ZC3H3: variants seen among roughly 807,000 people sequenced by gnomAD.
ZC3H3 encodes the protein zinc finger CCCH domain-containing protein 3.
Under a neutral mutation model 77.3 loss-of-function variants are expected in ZC3H3, and 36 were observed. The ratio of observed to expected loss-of-function variants is 0.47; its 90% CI spans 0.36 to 0.61. The LOEUF is 0.61. ZC3H3 is among the 20% of genes least tolerant of loss of function. ZC3H3 has a pLI of 0.00. For synonymous variants in ZC3H3, 626 were observed against 555.2 expected (o/e 1.13, Z -1.79); for missense variants, 1,331 against 1,312.2 (o/e 1.01, Z -0.22).
In ZC3H3 at chr8:143,440,167, C is replaced by A. The variant is rs1369629173; in HGVS notation, c.2689G>T (p.Ala897Ser). The A allele has an allele frequency of 1.2e-6, 2 of 1,611,992 alleles. No individual in the cohort carries two copies. Among genetic ancestry groups the A allele is most frequent in the Non-Finnish European group, 8.5e-7 (1 of 1,179,712 alleles). Residue 897 changes from alanine to serine, a missense_variant, in exon 11 of 12, where the codon GCC becomes TCC. By Grantham distance (99) the Ala-to-Ser change is moderately conservative. Transcript: ENST00000262577. Reference protein sequence around the residue: ...DHEAPSLQEAALAAACSNRLC... With the variant: ...DHEAPSLQEASLAAACSNRLC... Reference sequence around the variant, plus strand: ...CTGTTGGAGCACGCTGCTGCTAAGGCAGCCTCCTGGAGAGATGGTGCCTCG... The same window carrying A: ...CTGTTGGAGCACGCTGCTGCTAAGGAAGCCTCCTGGAGAGATGGTGCCTCG...
At position 143,462,082 on chromosome 8, in the gene ZC3H3, A is replaced by C. The variant is rs1313818937; in HGVS notation, c.2307+3635T>G. On this transcript the variant is annotated intron_variant, in intron 9 of 11. Transcript: ENST00000262577. This position sits in a 1 kb window ranked among gnomAD's most constrained non-coding sequence, Gnocchi z 4.7. ...AACTAAGTGAGGCCCCACCTCACACAACACGCAAATGAAGAACAGCAAACG... is the reference window on the plus strand; with the variant it reads ...AACTAAGTGAGGCCCCACCTCACACCACACGCAAATGAAGAACAGCAAACG... Among the ~76,000 whole-genome samples, 1 of 152,148 alleles carries C rather than the reference A, an allele frequency of 6.6e-6. No homozygotes were observed. Among genetic ancestry groups the C allele is most frequent in the African/African-American group, 2.4e-5 (1 of 41,420 alleles).
chr8:143,514,032 T>G (rs1180582781), intron 3 of ZC3H3, among the ~76,000 whole-genome samples: 1 of 151,806 alleles, frequency 6.6e-6, no homozygotes, highest in African/African-American at 2.4e-5. Context: ...CCACACAGAG[T>G]CGCCACCTTG....
intron 4 of ZC3H3, among the ~76,000 whole-genome samples, chr8:143,477,451 G>A (rs999233170): frequency 6.6e-6 from 1 of 152,150 alleles, no homozygotes; most frequent in African/African-American, 2.4e-5. Flanking sequence ...AGGGGTGGAG[G>A]GTAGGCATCC....
intron 3 of ZC3H3, among the ~76,000 whole-genome samples, chr8:143,532,472 G>C (rs965465859): frequency 4.6e-5 from 7 of 152,264 alleles, no homozygotes; most frequent in Non-Finnish European, 7.3e-5. Context: ...CTTTTGCTGG[G>C]CAGAAAATGG....
At chr8:143,499,337 C>T (rs1195096719) in intron 4 of ZC3H3, among the ~76,000 whole-genome samples, 1 of 152,058 alleles carries the variant, frequency 6.6e-6, no homozygotes. Flanking sequence ...TGGTGGGAGC[C>T]GGGAAGGCAG....
intron 3 of ZC3H3, among the ~76,000 whole-genome samples, chr8:143,513,117 C>T (rs1042497206): frequency 6.6e-6 from 1 of 152,114 alleles, no homozygotes; most frequent in African/African-American, 2.4e-5. Flanking sequence ...GGGCCAGACC[C>T]GCCCTGTGCT....
rs34107611 is a variant in ZC3H3, at chr8:143,530,549, T to TCCTGG, written c.1561+5703_1561+5707dup. 6.6e-6 allele frequency among the ~76,000 whole-genome samples: 1 copy of TCCTGG among 151,910 alleles called. No homozygotes were observed. The highest frequency in any genetic ancestry group is 1.5e-5 in the Non-Finnish European group (1 of 67,984). On this transcript the variant is annotated intron_variant, in intron 3 of 11. Coordinates refer to ENST00000262577, the MANE Select transcript of ZC3H3 (RefSeq NM_015117.3). The surrounding 1 kb of genome is among the most constrained non-coding windows in gnomAD (Gnocchi z 4.3). ...GGTGGGTGGGAGAGCTGGCCCTCAC[T>TCCTGG]CCTGGCCTGGCCTGGAGTGTACAGC... is the stretch of plus-strand genomic sequence containing the variant.
At chr8:143,496,669 G>C (rs1821360675) in intron 4 of ZC3H3, among the ~76,000 whole-genome samples, 1 of 151,964 alleles carries the variant, frequency 6.6e-6, no homozygotes, top group African/African-American at 2.4e-5. Context: ...TGAGTGGACA[G>C]AAGTCCGGTA....
At chr8:143,504,346 T>TC (rs1821623826) in intron 4 of ZC3H3, among the ~76,000 whole-genome samples, 1 of 151,234 alleles carries the variant, frequency 6.6e-6, no homozygotes, top group African/African-American at 2.4e-5. Context: ...GCAGGGGAGG[T>TC]CCCAGGGACA....
At chr8:143,440,497 T>G in intron 10 of ZC3H3, 134 bp from the exon 11 acceptor site, 1 of 1,416,014 alleles carries the variant, frequency 7.1e-7, no homozygotes, top group Non-Finnish European at 9.2e-7. Flanking sequence ...GAGGCACAGG[T>G]CAGGCCTGGC....
rs1052370992 is a variant in ZC3H3 at position 143,494,925 on chromosome 8, G to A, written c.1715+12821C>T. 1.3e-5 allele frequency among the ~76,000 whole-genome samples: 2 copies of A among 152,310 alleles called. No homozygotes were observed. The highest frequency in any genetic ancestry group is 2.4e-5 in the African/African-American group (1 of 41,580). ...CAACATCACTGGACACCAGGGAAACGCAAATGAAAACCACAGTGAGAGGCC... is the reference window on the plus strand; with the variant it reads ...CAACATCACTGGACACCAGGGAAACACAAATGAAAACCACAGTGAGAGGCC... On this transcript the variant is annotated intron_variant, in intron 4 of 11. Coordinates refer to ENST00000262577, the MANE Select transcript of ZC3H3 (RefSeq NM_015117.3). This position sits in a 1 kb window ranked among gnomAD's most constrained non-coding sequence, Gnocchi z 5.3.
chr8:143,461,100 G>A (rs1464848063), intron 9 of ZC3H3, among the ~76,000 whole-genome samples: 1 of 152,118 alleles, frequency 6.6e-6, no homozygotes, highest in Non-Finnish European at 1.5e-5. Context: ...CAAAATTTAT[G>A]TTATATATAT....
intron 9 of ZC3H3, 142 bp downstream of exon 9, chr8:143,465,575 A>T (rs1820386459): frequency 7.7e-7 from 1 of 1,301,324 alleles, no homozygotes; most frequent in African/African-American, 1.5e-5. Context: ...TCTCTGAGTC[A>T]CCTGTGAGGT....
chr8:143,532,732 T>TAGGC (rs564448254), intron 3 of ZC3H3, among the ~76,000 whole-genome samples: 13 of 152,310 alleles, frequency 8.5e-5, no homozygotes, highest in African/African-American at 2.4e-4. Flanking sequence ...CCTCAGTTCC[T>TAGGC]AGGCAGGCAG....
chr8:143,519,774 G>A (rs1021467599), intron 3 of ZC3H3, among the ~76,000 whole-genome samples: 3 of 152,164 alleles, frequency 2.0e-5, no homozygotes, highest in African/African-American at 7.2e-5. Context: ...GGGCAGCCAA[G>A]GCCACCACTC....
chr8:143,490,635 C>G (rs1033601207), intron 4 of ZC3H3, among the ~76,000 whole-genome samples: 1 of 152,248 alleles, frequency 6.6e-6, no homozygotes, highest in Non-Finnish European at 1.5e-5. Flanking sequence ...ATACTGATGG[C>G]CGGGTGCAGT....
chr8:143,439,997 G>A, intron 11 of ZC3H3, 44 bp downstream of exon 11: 1 of 1,452,418 alleles, frequency 6.9e-7, no homozygotes, highest in Non-Finnish European at 9.1e-7. Flanking sequence ...CTGAATCCTT[G>A]GTGAGGGGGG....
rs373480939 is a variant in ZC3H3 at position 143,507,761 on chromosome 8, C to A, written c.1700G>T (p.Arg567Leu). Residue 567 changes from arginine (R) to leucine (L), a missense_variant, in exon 4 of 12, where the codon CGG becomes CTG. Around this residue, in one of 3 missense-constraint regions of ZC3H3, gnomAD observed 978 missense variants for 915.5 expected, o/e 1.07. Coordinates refer to ENST00000262577, the MANE Select transcript of ZC3H3 (RefSeq NM_015117.3). ...GCCTTCCTACCTGGATAGTGAGAGC[C>A]GCCGGGCCCGCCAGGAGGGCAGAGA... ...PLSLPSWRAR[R>L]LSLSRSLVLN... The A allele has an allele frequency of 1.0e-5, 16 of 1,581,852 alleles. No homozygotes were observed. The East Asian group carries it at 3.6e-4, about 36-fold the overall frequency.
At chr8:143,523,876 G>C (rs981240308) in intron 3 of ZC3H3, among the ~76,000 whole-genome samples, 1 of 152,264 alleles carries the variant, frequency 6.6e-6, no homozygotes, top group African/African-American at 2.4e-5. Context: ...TGGAGAGCAA[G>C]CTGGCATGGG....
Sources: gnomAD v4.1 joint callset for allele counts (sites outside exome capture counted in the v4.1 genomes callset) on GRCh38, gnomAD v4.1.1 for gene constraint, gnomAD v4.1.1 regional missense constraint, Gnocchi (gnomAD v3.1) non-coding constraint, MANE v1.5 for transcripts, NCBI Gene and HGNC (gene_info 2026-07-23, HGNC 2026-07-21) for gene names.